The following MCTP1 variants were observed in gnomAD, a reference collection of about 807,000 sequenced individuals.
MCTP1 encodes the protein multiple C2 and transmembrane domain-containing protein 1.
A neutral mutation model predicts 120.6 loss-of-function variants in MCTP1; 69 were observed. The ratio of observed to expected loss-of-function variants is 0.57; its 90% CI spans 0.47 to 0.70. MCTP1 has a LOEUF of 0.70. Ranked by LOEUF, MCTP1 falls within the 30% of genes least tolerant of loss-of-function variation. MCTP1 has a pLI of 0.00. For missense variants in MCTP1, 1,203 were observed against 1,248.8 expected (o/e 0.96, Z 0.55); for synonymous variants, 529 against 493.1 (o/e 1.07, Z -0.96).
intron 1 of MCTP1, among the ~76,000 whole-genome samples, chr5:95,067,047 A>G (rs1750832970): frequency 6.6e-6 from 1 of 150,954 alleles, no homozygotes; most frequent in South Asian, 2.1e-4. Flanking sequence ...CCCGTTCCTG[A>G]GAGACCATGG....
intron 1 of MCTP1, among the ~76,000 whole-genome samples, chr5:95,159,440 T>C (rs1582396652): frequency 6.6e-6 from 1 of 152,230 alleles, no homozygotes; most frequent in Admixed American, 6.5e-5. Flanking sequence ...ATACTATCAC[T>C]ATGTATACAG....
At chr5:94,846,033 T>C (rs147234217) in intron 17 of MCTP1, among the ~76,000 whole-genome samples, 88 of 152,284 alleles carry the variant, frequency 5.8e-4, no homozygotes, top group African/African-American at 1.9e-3. Flanking sequence ...GGAAAGGGAA[T>C]GCTTATATAC....
intron 2 of MCTP1, among the ~76,000 whole-genome samples, chr5:94,980,354 G>A (rs931877503): frequency 1.3e-5 from 2 of 152,054 alleles, no homozygotes; most frequent in South Asian, 2.1e-4. Flanking sequence ...AAGAGACTTC[G>A]TCCAGTCTTT....
intron 19 of MCTP1, among the ~76,000 whole-genome samples, chr5:94,733,751 G>A (rs1474585726): frequency 2.6e-5 from 4 of 152,106 alleles, no homozygotes; most frequent in African/African-American, 9.7e-5. Context: ...AGATCACAAG[G>A]TCAGGAGTTC....
At chr5:94,952,937 T>C (rs1177270056) in intron 3 of MCTP1, among the ~76,000 whole-genome samples, 1 of 152,240 alleles carries the variant, frequency 6.6e-6, no homozygotes, top group African/African-American at 2.4e-5. Flanking sequence ...TGTTTTCATA[T>C]GCTCCCAAAC....
At chr5:94,903,672 C>T (rs1199045253) in intron 10 of MCTP1, among the ~76,000 whole-genome samples, 2 of 152,146 alleles carry the variant, frequency 1.3e-5, no homozygotes. Flanking sequence ...TGGGTAGCAC[C>T]AAATGCCTAG....
intron 17 of MCTP1, chr5:94,867,600 A>G (rs962274191): frequency 2.5e-6 from 1 of 406,356 alleles, no homozygotes; most frequent in Non-Finnish European, 4.4e-6. Flanking sequence ...GAATGACTCT[A>G]CTTAAACTTC....
At chr5:95,082,058 A>C (rs1419808556) in intron 1 of MCTP1, among the ~76,000 whole-genome samples, 1 of 152,306 alleles carries the variant, frequency 6.6e-6, no homozygotes, top group African/African-American at 2.4e-5. Flanking sequence ...CAATGTGTAG[A>C]AAAAAATTCC....
chr5:94,704,260 G>C lies in MCTP1; in HGVS notation c.*3236C>G, dbSNP rs1754056532. The C allele has an allele frequency of 6.6e-6, 1 of 151,552 alleles. No homozygotes were observed. The highest frequency in any genetic ancestry group is 2.4e-5 in the African/African-American group (1 of 41,364). 9.4% of individuals were successfully genotyped at this position (151,552 alleles called of 1,614,324 possible). On this transcript the variant is annotated 3_prime_UTR_variant, in exon 23 of 23. Transcript: ENST00000515393. ...ATTTAAAGCCCAAGAATTTAAGCAA[G>C]TATTAATTTAGCAATACCTGAGACG... is the stretch of plus-strand genomic sequence containing the variant.
chr5:95,047,321 G>A (rs1256534626), intron 1 of MCTP1, among the ~76,000 whole-genome samples: 3 of 152,082 alleles, frequency 2.0e-5, no homozygotes, highest in African/African-American at 7.2e-5. Flanking sequence ...ACGGAGCACT[G>A]AGCAGGCACC....
At chr5:94,774,299 TA>T (rs1774823453) in intron 19 of MCTP1, among the ~76,000 whole-genome samples, 1 of 146,082 alleles carries the variant, frequency 6.8e-6, no homozygotes, top group Admixed American at 6.9e-5. Context: ...CAATTGCCTT[TA>T]AGAAAAAGAG....
intron 19 of MCTP1, among the ~76,000 whole-genome samples, chr5:94,740,865 G>T (rs1765368267): frequency 6.6e-6 from 1 of 152,166 alleles, no homozygotes; most frequent in Non-Finnish European, 1.5e-5. Context: ...TTCAACAAAG[G>T]AATGATTAAT....
chr5:94,920,113 A>G (rs73136036), intron 7 of MCTP1, among the ~76,000 whole-genome samples: 5,826 of 152,312 alleles, frequency 0.038, 160 homozygotes, highest in Non-Finnish European at 0.055. Context: ...TCGTGGTCCA[A>G]CAAAATTTCA....
chr5:95,210,486 A>G (rs369978632), intron 1 of MCTP1, among the ~76,000 whole-genome samples: 11 of 150,016 alleles, frequency 7.3e-5, no homozygotes, highest in Admixed American at 1.3e-4. Context: ...ATCAGAGACT[A>G]GGATTGCAAC....
chr5:94,823,210 C>T (rs1483734790), intron 17 of MCTP1, among the ~76,000 whole-genome samples: 1 of 152,062 alleles, frequency 6.6e-6, no homozygotes, highest in Non-Finnish European at 1.5e-5. Context: ...TAATCCATCT[C>T]AAGTTAATTT....
At chr5:95,210,501 G>A (rs937584068) in intron 1 of MCTP1, among the ~76,000 whole-genome samples, 1 of 149,384 alleles carries the variant, frequency 6.7e-6, no homozygotes, top group African/African-American at 2.5e-5. Flanking sequence ...TGCAACCCCT[G>A]CCTTTTTTTG....
intron 1 of MCTP1, among the ~76,000 whole-genome samples, chr5:95,166,389 T>C (rs1453380342): frequency 2.0e-5 from 3 of 152,178 alleles, no homozygotes; most frequent in African/African-American, 4.8e-5. Context: ...CAGGTAAGTG[T>C]ATGTTTCATA....
At chr5:94,776,169 G>A (rs879669847) in intron 19 of MCTP1, among the ~76,000 whole-genome samples, 2 of 151,944 alleles carry the variant, frequency 1.3e-5, no homozygotes, top group South Asian at 4.1e-4. Flanking sequence ...CTGTGTCTTT[G>A]TCATGTATAT....
chr5:94,750,780 G>A (rs887172986), intron 19 of MCTP1, among the ~76,000 whole-genome samples: 2 of 152,162 alleles, frequency 1.3e-5, no homozygotes, highest in Non-Finnish European at 2.9e-5. Context: ...CATCTTGACT[G>A]GTCTATTCTT....
Sources: allele counts gnomAD v4.1 joint callset (sites outside exome capture counted in the v4.1 genomes callset), GRCh38; gene constraint gnomAD v4.1.1; transcripts MANE v1.5; gene names NCBI Gene and HGNC (gene_info 2026-07-23, HGNC 2026-07-21).